IGSF10: variants seen among roughly 807,000 people sequenced by gnomAD.
IGSF10 encodes the protein immunoglobulin superfamily member 10.
A neutral mutation model predicts 128.2 loss-of-function variants in IGSF10; 126 were observed. The observed-to-expected ratio is 0.98, with a 90% CI of 0.85 to 1.14. The LOEUF (loss-of-function observed/expected upper bound fraction) is 1.14. Ranked by LOEUF, IGSF10 falls within the 50% of genes most tolerant of loss-of-function variation. IGSF10 has a pLI of 0.00. For synonymous variants in IGSF10, 1,185 were observed against 1,146.2 expected, an observed-to-expected ratio of 1.03 and a Z score of -0.68; for missense variants, 3,295 against 3,149.8, an observed-to-expected ratio of 1.05 and a Z score of -1.10.
At chr3:151,555,319 AC>A in the IGSF10 span, among the ~76,000 whole-genome samples, 505 of 152,232 alleles carry the variant, frequency 3.3e-3, no homozygotes, top group African/African-American at 0.012. Context: ...AACAGATGAG[AC>A]AGACAAAACA....
rs760320289 is a variant in IGSF10, at chr3:151,444,967, C to T, written c.5014G>A (p.Ala1672Thr). 2.4e-5 allele frequency: 38 copies of T among 1,613,740 alleles called. No individual in the cohort carries two copies. The highest frequency in any genetic ancestry group is 3.1e-5 in the Non-Finnish European group (37 of 1,179,908). The change falls in exon 6 of 8, where the codon GCT becomes ACT. Residue 1672 changes from alanine (A) to threonine (T), a missense_variant. By Grantham distance (58) the Ala-to-Thr change is moderately conservative. Transcript: ENST00000282466. ...ATGGTGGGCAGGGGATTTCCAACAG[C>T]TTCACAGGGAAGAAAGGCATCTGAG... ...ANSDAFLPCE[A>T]VGNPLPTIHW... is the part of the protein sequence containing the mutation.
At chr3:151,490,296 A>G in the IGSF10 span, among the ~76,000 whole-genome samples, 1 of 152,166 alleles carries the variant, frequency 6.6e-6, no homozygotes, top group Non-Finnish European at 1.5e-5. Flanking sequence ...GTCATTATTT[A>G]ATGATAAAGA....
chr3:151,469,644 C>T, the IGSF10 span, among the ~76,000 whole-genome samples: 1 of 152,126 alleles, frequency 6.6e-6, no homozygotes, highest in Non-Finnish European at 1.5e-5. Context: ...GCCTCTTCCC[C>T]AACTGATATA....
chr3:151,442,583 T>G (rs1166333826), intron 7 of IGSF10, among the ~76,000 whole-genome samples: 1 of 140,748 alleles, frequency 7.1e-6, no homozygotes, highest in African/African-American at 2.7e-5. Context: ...GAGATAGGGT[T>G]TCACCATGTT....
the IGSF10 span, among the ~76,000 whole-genome samples, chr3:151,554,362 C>T: frequency 1.3e-5 from 2 of 151,868 alleles, no homozygotes; most frequent in Admixed American, 1.3e-4. Flanking sequence ...TTAGATCAGC[C>T]TGTTTTTTTT....
chr3:151,484,781 G>A, the IGSF10 span, among the ~76,000 whole-genome samples: 115 of 150,530 alleles, frequency 7.6e-4, no homozygotes, highest in African/African-American at 2.7e-3. Context: ...ACGTCTACTC[G>A]GAGACCACAT....
chr3:151,450,542 A>G (rs1344671701), intron 5 of IGSF10, among the ~76,000 whole-genome samples: 3 of 152,146 alleles, frequency 2.0e-5, no homozygotes, highest in Non-Finnish European at 4.4e-5. Context: ...AGCAAATTTT[A>G]TAGTCTAAAC....
chr3:151,453,372 C>A lies in IGSF10; in HGVS notation c.715+12G>T. On this transcript the variant is annotated intron_variant, in intron 5 of 7. Transcript: ENST00000282466. Reference sequence around the variant, plus strand: ...CACTTAATTGGGACAAAAAAATAAACAATATAGATACCTGGCTTCTCCTGT... The same window carrying A: ...CACTTAATTGGGACAAAAAAATAAAAAATATAGATACCTGGCTTCTCCTGT... The A allele has an allele frequency of 6.4e-7, 1 of 1,555,708 alleles. No individual in the cohort carries two copies. The highest frequency in any genetic ancestry group is 8.6e-7 in the Non-Finnish European group (1 of 1,157,762).
At chr3:151,438,750 G>C (rs1391638396) in intron 7 of IGSF10, among the ~76,000 whole-genome samples, 153 bp from the exon 8 acceptor site, 1 of 151,160 alleles carries the variant, frequency 6.6e-6, no homozygotes, top group East Asian at 1.9e-4. Flanking sequence ...TTTTGAGAGA[G>C]ATATATATAC....
At chr3:151,502,199 A>G in the IGSF10 span, among the ~76,000 whole-genome samples, 1 of 152,076 alleles carries the variant, frequency 6.6e-6, no homozygotes, top group African/African-American at 2.4e-5. Flanking sequence ...TGAAATGACA[A>G]GTTTTATCTT....
In IGSF10 at chr3:151,446,300, T is replaced by G; in HGVS notation, c.3681A>C (p.Leu1227Phe). The change falls in exon 6 of 8, where the codon TTA becomes TTC. Residue 1227 changes from leucine (L) to phenylalanine (F), a missense_variant. Physicochemically the swap from Leu to Phe is conservative, Grantham distance 22 (BLOSUM62 0). Coordinates refer to ENST00000282466, the MANE Select transcript of IGSF10 (RefSeq NM_178822.5). ...GRLRNQHKVS[L>F]QKSTAVMLPK... ...GAAGCATCACAGCTGTGCTTTTTTG[T>G]AAACTAACTTTATGTTGATTCCTTA... is the stretch of plus-strand genomic sequence containing the variant. 6.2e-7 allele frequency: 1 copy of G among 1,614,102 alleles called. No individual in the cohort carries two copies. The highest frequency in any genetic ancestry group is 8.5e-7 in the Non-Finnish European group (1 of 1,179,912).
At chr3:151,494,565 G>A in the IGSF10 span, among the ~76,000 whole-genome samples, 3 of 152,030 alleles carry the variant, frequency 2.0e-5, no homozygotes, top group South Asian at 6.2e-4. Flanking sequence ...AGCAAATAAT[G>A]TAAATACGAC....
At chr3:151,457,902 T>C (rs1232468561) in intron 3 of IGSF10, among the ~76,000 whole-genome samples, 3 of 152,208 alleles carry the variant, frequency 2.0e-5, no homozygotes, top group South Asian at 2.1e-4. Context: ...TAGAAGTGAA[T>C]AGTATATCTT....
In IGSF10 at chr3:151,447,850, GTTT is replaced by G; in HGVS notation, c.2128_2130del (p.Lys710del). The G allele has an allele frequency of 6.2e-7, 1 of 1,614,096 alleles. No homozygotes were observed. The highest frequency in any genetic ancestry group is 1.1e-5 in the South Asian group (1 of 91,080). On this transcript the variant is annotated inframe_deletion, in exon 6 of 8. Coordinates refer to ENST00000282466, the MANE Select transcript of IGSF10 (RefSeq NM_178822.5). Reference sequence around the variant, plus strand: ...TGCCTCTTACTTGTGCTTGAGGTGTGTTTTCCAACCTCAGCCTCCATCAGAGCA... The same window carrying G: ...TGCCTCTTACTTGTGCTTGAGGTGTGTCCAACCTCAGCCTCCATCAGAGCA...
chr3:151,451,239 C>G (rs1335873943), intron 5 of IGSF10, among the ~76,000 whole-genome samples: 1 of 152,172 alleles, frequency 6.6e-6, no homozygotes, highest in African/African-American at 2.4e-5. Flanking sequence ...GTCCCGCACA[C>G]TTGGTGTCTT....
chr3:151,601,507 TAAG>T, the IGSF10 span, among the ~76,000 whole-genome samples: 5 of 152,266 alleles, frequency 3.3e-5, no homozygotes, highest in South Asian at 4.1e-4. Flanking sequence ...ACTTAACAAA[TAAG>T]AAACTCTTGC....
the IGSF10 span, among the ~76,000 whole-genome samples, chr3:151,539,678 C>G: frequency 2.6e-5 from 4 of 152,220 alleles, no homozygotes; most frequent in South Asian, 2.1e-4. Context: ...CAACACCCAG[C>G]TGGTTGTTCT....
chr3:151,516,799 G>C, the IGSF10 span, among the ~76,000 whole-genome samples: 2 of 152,170 alleles, frequency 1.3e-5, no homozygotes, highest in Middle Eastern at 3.4e-3. Context: ...AAAACAATTA[G>C]ATTAGGAAGA....
the IGSF10 span, among the ~76,000 whole-genome samples, chr3:151,585,819 T>C: frequency 1.3e-5 from 2 of 152,168 alleles, no homozygotes; most frequent in African/African-American, 4.8e-5. Flanking sequence ...TAAAAACCTT[T>C]ACACATTTTA....
Sources: gnomAD v4.1 joint callset for allele counts (sites outside exome capture counted in the v4.1 genomes callset) on GRCh38, gnomAD v4.1.1 for gene constraint, MANE v1.5 for transcripts, NCBI Gene and HGNC (gene_info 2026-07-23, HGNC 2026-07-21) for gene names.